The following CDK7 variants were observed in gnomAD, a reference collection of about 807,000 sequenced individuals.
CDK7 encodes cyclin dependent kinase 7.
Under a neutral mutation model 49.1 loss-of-function variants are expected in CDK7, and 25 were observed. That is an observed-to-expected ratio of 0.51 (90% confidence interval 0.37 to 0.71). CDK7 has a LOEUF of 0.71. CDK7 is among the 30% of genes least tolerant of loss of function. The pLI, the probability that CDK7 is intolerant of heterozygous loss-of-function variation, is 0.00. For missense variants in CDK7, 316 were observed against 411.7 expected (o/e 0.77, Z 2.01); for synonymous variants, 107 against 140.0 (o/e 0.76, Z 1.67).
At chr5:69,247,793 T>C (rs570445832) in intron 2 of CDK7, among the ~76,000 whole-genome samples, 1 of 152,166 alleles carries the variant, frequency 6.6e-6, no homozygotes, top group Admixed American at 6.5e-5. Flanking sequence ...GCAAATAATA[T>C]AACCCATTAT....
At chr5:69,274,496 A>G (rs1195781049) in intron 10 of CDK7, among the ~76,000 whole-genome samples, 1 of 152,190 alleles carries the variant, frequency 6.6e-6, no homozygotes, top group African/African-American at 2.4e-5. Flanking sequence ...TAAAAAATGA[A>G]AATGCAACTG....
intron 8 of CDK7, among the ~76,000 whole-genome samples, chr5:69,268,834 CAAA>C (rs56877264): frequency 1.7e-5 from 2 of 120,672 alleles, no homozygotes; most frequent in African/African-American, 6.4e-5. Context: ...GAGACTGTCT[CAAA>C]AAAAAAAAAA....
At chr5:69,276,140 T>C (rs371780800) in intron 10 of CDK7, among the ~76,000 whole-genome samples, 2 of 152,142 alleles carry the variant, frequency 1.3e-5, no homozygotes, top group South Asian at 4.1e-4. Context: ...GCGATTCTCC[T>C]ACCTCAGCCT....
chr5:69,255,082 T>C (rs55695045), intron 4 of CDK7, among the ~76,000 whole-genome samples: 1,527 of 152,304 alleles, frequency 0.01, 12 homozygotes, highest in Middle Eastern at 0.017. Context: ...GTGCCTACCA[T>C]AGAAAATGTA....
intron 2 of CDK7, among the ~76,000 whole-genome samples, chr5:69,244,346 T>C (rs986194926): frequency 4.6e-5 from 7 of 152,106 alleles, no homozygotes; most frequent in Admixed American, 4.6e-4. Context: ...GTGGAGTCTT[T>C]AGGTTTTCCC....
In CDK7 at chr5:69,277,333, G is replaced by A. The variant is rs1137380; in HGVS notation, c.*198G>A. ...TAATTCTGGTTTTTCTGATTAGAGT[G>A]CAAAAGTGAGAAAAGTTCAATACTC... On this transcript the variant is annotated 3_prime_UTR_variant, in exon 12 of 12. Coordinates refer to ENST00000256443, the MANE Select transcript of CDK7 (RefSeq NM_001799.4). 2.8e-3 allele frequency: 1,183 copies of A among 426,516 alleles called. 7 individuals are homozygous for A. Among genetic ancestry groups the A allele is most frequent in the African/African-American group, 0.022 (1,066 of 48,806 alleles). The allele number at this position is 426,516 out of a possible 1,614,324, so 26.4% of individuals were successfully genotyped here.
At chr5:69,267,705 T>C (rs1751255919) in intron 8 of CDK7, among the ~76,000 whole-genome samples, 1 of 152,192 alleles carries the variant, frequency 6.6e-6, no homozygotes, top group Admixed American at 6.5e-5. Context: ...CTACTTTTTC[T>C]CATAAATGTC....
intron 3 of CDK7, among the ~76,000 whole-genome samples, chr5:69,253,837 G>A (rs1750307982): frequency 6.6e-6 from 1 of 152,156 alleles, no homozygotes; most frequent in Admixed American, 6.5e-5. Flanking sequence ...CATGGCTTAC[G>A]CCTGTAATCC....
chr5:69,235,960 G>A lies in CDK7; in HGVS notation c.126+507G>A, dbSNP rs1308897500. On this transcript the variant is annotated intron_variant, in intron 2 of 11. Coordinates refer to ENST00000256443, the MANE Select transcript of CDK7 (RefSeq NM_001799.4). ...TATTCATTCAAAAGACTTGGGTCGGGCCAGCCGCGGTGGCTCACGCCTGTA... is the reference window on the plus strand; with the variant it reads ...TATTCATTCAAAAGACTTGGGTCGGACCAGCCGCGGTGGCTCACGCCTGTA... Among the ~76,000 whole-genome samples the A allele has an allele frequency of 3.9e-5, 6 of 152,310 alleles. No individual in the cohort carries two copies. In the East Asian group the frequency reaches 1.2e-3, roughly 29 times the overall value.
chr5:69,251,426 G>A (rs1236013114), intron 2 of CDK7, among the ~76,000 whole-genome samples: 1 of 151,974 alleles, frequency 6.6e-6, no homozygotes, highest in East Asian at 1.9e-4. Context: ...TACATTTTTT[G>A]TAGAGACGGG....
chr5:69,271,045 G>A (rs1005061910), intron 9 of CDK7, among the ~76,000 whole-genome samples: 2 of 152,106 alleles, frequency 1.3e-5, no homozygotes, highest in Non-Finnish European at 2.9e-5. Context: ...TAAATAACCT[G>A]CAAAACTCCA....
intron 2 of CDK7, among the ~76,000 whole-genome samples, chr5:69,252,048 G>A (rs1458523617): frequency 2.6e-5 from 4 of 152,170 alleles, no homozygotes; most frequent in South Asian, 4.1e-4. Context: ...TCTACAGCAT[G>A]TTATTTTCTG....
chr5:69,255,346 A>G lies in CDK7; in HGVS notation c.229-114A>G, dbSNP rs1463694738. 5.0e-6 allele frequency: 3 copies of G among 605,814 alleles called. No homozygotes were observed. The African/African-American group carries it at 5.5e-5, about 11-fold the overall frequency. The allele number at this position is 605,814 out of a possible 1,614,324, so 37.5% of individuals were successfully genotyped here. ...AATTTAATCAAATGATTTAAGCTTT[A>G]TAGGGAATTACCAACAGTTTAAATG... On this transcript the variant is annotated intron_variant, in intron 4 of 11. Transcript: ENST00000256443.
intron 2 of CDK7, among the ~76,000 whole-genome samples, chr5:69,241,685 C>T (rs1425835544): frequency 6.6e-6 from 1 of 152,126 alleles, no homozygotes; most frequent in Admixed American, 6.6e-5. Flanking sequence ...TTTTCTTATG[C>T]TGTCTGCCAT....
At chr5:69,255,774 T>C in intron 5 of CDK7, 1 of 503,814 alleles carries the variant, frequency 2.0e-6, no homozygotes, top group Non-Finnish European at 3.6e-6. Context: ...TTCCCATAGC[T>C]AGTTGACGTC....
chr5:69,240,153 A>C (rs1402902652), intron 2 of CDK7, among the ~76,000 whole-genome samples: 1 of 152,130 alleles, frequency 6.6e-6, no homozygotes, highest in Non-Finnish European at 1.5e-5. Context: ...TGGGCACACT[A>C]TTCTGTTCCA....
intron 2 of CDK7, among the ~76,000 whole-genome samples, chr5:69,251,473 G>A (rs1750139739): frequency 6.6e-6 from 1 of 152,040 alleles, no homozygotes; most frequent in African/African-American, 2.4e-5. Flanking sequence ...TTTAACTCCT[G>A]TACTCAAGCA....
At chr5:69,264,939 C>T (rs1172910689) in intron 8 of CDK7, among the ~76,000 whole-genome samples, 3 of 150,896 alleles carry the variant, frequency 2.0e-5, no homozygotes, top group Non-Finnish European at 4.4e-5. Context: ...CCATTGCACT[C>T]CAGCCTGGGC....
chr5:69,243,906 C>G (rs998646302), intron 2 of CDK7, among the ~76,000 whole-genome samples: 2 of 140,224 alleles, frequency 1.4e-5, no homozygotes, highest in African/African-American at 5.4e-5. Flanking sequence ...AATCTCAGCT[C>G]ACTGCAACCT....
Sources: allele counts gnomAD v4.1 joint callset (sites outside exome capture counted in the v4.1 genomes callset), GRCh38; gene constraint gnomAD v4.1.1; transcripts MANE v1.5; gene names NCBI Gene and HGNC (gene_info 2026-07-23, HGNC 2026-07-21).